FBXO34: variants seen among roughly 807,000 people sequenced by gnomAD.
The protein encoded by FBXO34 is F-box only protein 34.
Under a neutral mutation model 24.5 loss-of-function variants are expected in FBXO34, and 12 were observed. The ratio of observed to expected loss-of-function variants is 0.49; its 90% CI spans 0.31 to 0.79. FBXO34 has a LOEUF of 0.79. Ranked by LOEUF, FBXO34 falls within the 30% of genes least tolerant of loss-of-function variation. FBXO34 has a pLI of 0.04. For synonymous variants in FBXO34, 320 were observed against 311.9 expected, an observed-to-expected ratio of 1.03 and a Z score of -0.27; for missense variants, 823 against 857.7, an observed-to-expected ratio of 0.96 and a Z score of 0.51.
At chr14:55,330,420 C>A (rs899705843) in intron 1 of FBXO34, among the ~76,000 whole-genome samples, 5 of 152,070 alleles carry the variant, frequency 3.3e-5, no homozygotes, top group South Asian at 2.1e-4. Flanking sequence ...ATACTATATT[C>A]TTTTTGTGGG....
chr14:55,379,706 A>G, the FBXO34 span, among the ~76,000 whole-genome samples: 1 of 152,118 alleles, frequency 6.6e-6, no homozygotes, highest in African/African-American at 2.4e-5. Flanking sequence ...GGTAGGCTGT[A>G]TATCTTTAAA....
the FBXO34 span, chr14:55,395,982 T>C: frequency 6.3e-7 from 1 of 1,583,636 alleles, no homozygotes; most frequent in African/African-American, 1.4e-5. Context: ...CTTTTAACAC[T>C]CTGTGAGGAA....
chr14:55,338,239 C>T (rs1045573907), intron 1 of FBXO34, among the ~76,000 whole-genome samples: 6 of 151,138 alleles, frequency 4.0e-5, no homozygotes, highest in East Asian at 2.0e-4. Flanking sequence ...TTAGTAGAGA[C>T]GGGGTTTCAC....
the FBXO34 span, chr14:55,414,588 T>C: frequency 3.1e-6 from 2 of 636,598 alleles, no homozygotes; most frequent in Admixed American, 3.3e-5. Flanking sequence ...AGAAATGGCA[T>C]TTATTCCGGG....
the FBXO34 span, among the ~76,000 whole-genome samples, chr14:55,402,633 C>T: frequency 3.6e-4 from 55 of 151,594 alleles, no homozygotes; most frequent in African/African-American, 1.2e-3. Context: ...GTATGATTTT[C>T]ATAGGCAAAT....
the FBXO34 span, chr14:55,395,033 T>A: frequency 2.1e-6 from 1 of 482,510 alleles, no homozygotes; most frequent in South Asian, 1.5e-5. Flanking sequence ...GTTTCTTGGT[T>A]AGCCACTTCT....
chr14:55,437,525 G>T, the FBXO34 span, among the ~76,000 whole-genome samples: 1 of 152,158 alleles, frequency 6.6e-6, no homozygotes, highest in Admixed American at 6.6e-5. Context: ...AAACAGAAAA[G>T]AATATTTTAA....
the FBXO34 span, among the ~76,000 whole-genome samples, chr14:55,376,710 A>T: frequency 6.6e-6 from 1 of 152,168 alleles, no homozygotes; most frequent in East Asian, 1.9e-4. Context: ...TGCGGAAGGG[A>T]AACCCAAAAG....
the FBXO34 span, among the ~76,000 whole-genome samples, chr14:55,414,980 CG>C: frequency 6.6e-6 from 1 of 152,102 alleles, no homozygotes; most frequent in East Asian, 1.9e-4. Flanking sequence ...TACTGTCACT[CG>C]TAAAGTCTTG....
the FBXO34 span, chr14:55,382,273 C>T: frequency 8.1e-7 from 1 of 1,231,492 alleles, no homozygotes; most frequent in East Asian, 2.4e-5. Flanking sequence ...CATGCTAGAA[C>T]ATCGAAAAGC....
downstream of FBXO34, among the ~76,000 whole-genome samples, chr14:55,364,369 C>G (rs536034578): frequency 6.6e-6 from 1 of 152,190 alleles, no homozygotes; most frequent in African/African-American, 2.4e-5. Flanking sequence ...ATGTAAATAA[C>G]TCTTTAGTTT....
At chr14:55,320,999 T>A (rs577934881) in intron 1 of FBXO34, among the ~76,000 whole-genome samples, 1 of 152,288 alleles carries the variant, frequency 6.6e-6, no homozygotes, top group East Asian at 1.9e-4. Flanking sequence ...TTTTCTTTTT[T>A]ATTCATCTTT....
downstream of FBXO34, among the ~76,000 whole-genome samples, chr14:55,365,324 T>C (rs1473382129): frequency 1.7e-4 from 25 of 151,494 alleles, no homozygotes; most frequent in Admixed American, 1.6e-3. Context: ...TTTGGCCTCC[T>C]AAAGTGCTGG....
At chr14:55,385,317 G>C in the FBXO34 span, among the ~76,000 whole-genome samples, 1 of 152,132 alleles carries the variant, frequency 6.6e-6, no homozygotes, top group Non-Finnish European at 1.5e-5. Flanking sequence ...CTTTGAGACA[G>C]AGTCTCGCTC....
chr14:55,424,892 G>A, the FBXO34 span, among the ~76,000 whole-genome samples: 1 of 152,214 alleles, frequency 6.6e-6, no homozygotes, highest in Admixed American at 6.5e-5. Flanking sequence ...CCAGCCTGGA[G>A]AGGAGGGCAG....
chr14:55,303,835 G>A (rs545484680), intron 1 of FBXO34, among the ~76,000 whole-genome samples: 3 of 152,120 alleles, frequency 2.0e-5, no homozygotes, highest in Non-Finnish European at 2.9e-5. Context: ...CCATGTTACT[G>A]CCTAAGAAGA....
the FBXO34 span, among the ~76,000 whole-genome samples, chr14:55,388,395 CAG>C: frequency 6.6e-6 from 1 of 152,164 alleles, no homozygotes; most frequent in Non-Finnish European, 1.5e-5. Context: ...GCACCCAGTG[CAG>C]ACTCAGCAGG....
At chr14:55,439,891 A>C in the FBXO34 span, among the ~76,000 whole-genome samples, 1 of 138,314 alleles carries the variant, frequency 7.2e-6, no homozygotes, top group African/African-American at 2.7e-5. Flanking sequence ...AGATCGCGCC[A>C]CTGCACTCCA....
At chr14:55,296,385 T>TTG (rs1882125736) in intron 1 of FBXO34, among the ~76,000 whole-genome samples, 1 of 112,482 alleles carries the variant, frequency 8.9e-6, no homozygotes, top group African/African-American at 3.2e-5. Flanking sequence ...TTCTTGTGTT[T>TTG]TTTTTGTTTT....
Sources: allele counts gnomAD v4.1 joint callset (sites outside exome capture counted in the v4.1 genomes callset), GRCh38; gene constraint gnomAD v4.1.1; transcripts MANE v1.5; gene names NCBI Gene and HGNC (gene_info 2026-07-23, HGNC 2026-07-21).